The following BBS9 variants were observed in gnomAD, a reference collection of about 807,000 sequenced individuals.
BBS9 encodes protein PTHB1.
BBS9 carries 89 observed loss-of-function variants against 117.7 expected under a neutral mutation model. The ratio of observed to expected loss-of-function variants is 0.76; its 90% CI spans 0.64 to 0.90. The LOEUF is 0.90. BBS9 is among the 40% of genes least tolerant of loss of function. The pLI is 0.00. For synonymous variants in BBS9, 379 were observed against 370.9 expected (o/e 1.02, Z -0.25); for missense variants, 982 against 1,042.2 (o/e 0.94, Z 0.80).
At chr7:33,519,812 G>A (rs1030751357) in intron 20 of BBS9, among the ~76,000 whole-genome samples, 2 of 152,118 alleles carry the variant, frequency 1.3e-5, no homozygotes, top group Admixed American at 6.6e-5. Flanking sequence ...CTGGGCCACA[G>A]TGGTCAAGTG....
At chr7:33,410,181 G>T (rs1293871052) in intron 19 of BBS9, among the ~76,000 whole-genome samples, 2 of 152,118 alleles carry the variant, frequency 1.3e-5, no homozygotes, top group Non-Finnish European at 2.9e-5. Context: ...AAAGACCTCA[G>T]AGAAAAATGT....
At chr7:33,335,033 A>G (rs1270263002) in intron 9 of BBS9, among the ~76,000 whole-genome samples, 4 of 152,188 alleles carry the variant, frequency 2.6e-5, no homozygotes, top group Non-Finnish European at 5.9e-5. Context: ...CAATGGTAGT[A>G]TCTACTCCCA....
chr7:33,270,097 A>G (rs1245915738), intron 7 of BBS9, among the ~76,000 whole-genome samples: 1 of 152,062 alleles, frequency 6.6e-6, no homozygotes, highest in Non-Finnish European at 1.5e-5. Context: ...TTACTGACCA[A>G]TGCACTTGCT....
At chr7:33,563,821 C>T (rs1443084154) in intron 21 of BBS9, among the ~76,000 whole-genome samples, 4 of 152,224 alleles carry the variant, frequency 2.6e-5, no homozygotes, top group South Asian at 2.1e-4. Context: ...CTGCATTCGG[C>T]GCTAAAACAA....
intron 9 of BBS9, among the ~76,000 whole-genome samples, chr7:33,279,603 A>G (rs978379623): frequency 6.6e-6 from 1 of 152,188 alleles, no homozygotes; most frequent in Non-Finnish European, 1.5e-5. Context: ...CATTTTGCTC[A>G]GAGTCTAAGA....
Position 33,539,594 on chromosome 7 carries a change from A to G in BBS9, c.2521+5418A>G, listed in dbSNP as rs555959263. Among the ~76,000 whole-genome samples the G allele has an allele frequency of 2.1e-4, 32 of 152,364 alleles. No individual in the cohort carries two copies. In the South Asian group the frequency reaches 6.6e-3, roughly 32 times the overall value. ...TGGCCTTACAGGCACCTTTACAGAA[A>G]GGGTCCTTTTAAGAAAAAATATTCC... On this transcript the variant is annotated intron_variant, in intron 21 of 22. Transcript: ENST00000242067.
intron 21 of BBS9, among the ~76,000 whole-genome samples, chr7:33,561,948 T>C (rs917906254): frequency 6.6e-5 from 10 of 152,366 alleles, no homozygotes; most frequent in African/African-American, 2.2e-4. Flanking sequence ...CAATAGTCTT[T>C]TCTTTCTTGA....
intron 5 of BBS9, among the ~76,000 whole-genome samples, chr7:33,231,197 T>A (rs1212983151): frequency 6.6e-6 from 1 of 151,590 alleles, no homozygotes; most frequent in Non-Finnish European, 1.5e-5. Flanking sequence ...TGAGATGGGG[T>A]CTCACTATGT....
At chr7:33,389,687 TAAAAAAA>T (rs5883400) in intron 19 of BBS9, among the ~76,000 whole-genome samples, 3,613 of 91,914 alleles carry the variant, frequency 0.039, 184 homozygotes, top group East Asian at 0.3. Flanking sequence ...AGACTCCATC[TAAAAAAA>T]AAAAAAAAAA....
intron 5 of BBS9, among the ~76,000 whole-genome samples, chr7:33,214,103 G>A (rs1159358307): frequency 1.3e-5 from 2 of 152,144 alleles, no homozygotes; most frequent in African/African-American, 4.8e-5. Context: ...TGTGTACCTA[G>A]GATCCGAGAG....
intron 21 of BBS9, among the ~76,000 whole-genome samples, chr7:33,591,062 A>G (rs1001663943): frequency 2.6e-5 from 4 of 152,098 alleles, no homozygotes; most frequent in African/African-American, 9.6e-5. Context: ...CTGATTGGTC[A>G]TTTCCTTAGA....
chr7:33,444,408 A>G lies in BBS9; in HGVS notation c.2115+56264A>G, dbSNP rs538860774. Among the ~76,000 whole-genome samples the G allele has an allele frequency of 1.2e-4, 18 of 152,322 alleles. No homozygotes were observed. In the South Asian group the frequency reaches 3.5e-3, roughly 30 times the overall value. On this transcript the variant is annotated intron_variant, in intron 19 of 22. Transcript: ENST00000242067. ...TTATTTTAAATTTTTCTGTTTTCCAATGTGGTTAACTACTGTATTAAGCAC... is the reference window on the plus strand; with the variant it reads ...TTATTTTAAATTTTTCTGTTTTCCAGTGTGGTTAACTACTGTATTAAGCAC...
chr7:33,365,847 T>C (rs998475847), intron 16 of BBS9, among the ~76,000 whole-genome samples: 2 of 152,228 alleles, frequency 1.3e-5, no homozygotes, highest in African/African-American at 4.8e-5. Context: ...ACTCTGGCTC[T>C]GGGTTACAGG....
At chr7:33,206,029 A>T (rs1583619838) in intron 5 of BBS9, among the ~76,000 whole-genome samples, 1 of 152,314 alleles carries the variant, frequency 6.6e-6, no homozygotes, top group East Asian at 1.9e-4. Context: ...TGCAGCAGTG[A>T]TCATTTTAAT....
intron 21 of BBS9, among the ~76,000 whole-genome samples, chr7:33,615,602 AACTT>A (rs1865091321): frequency 6.6e-6 from 1 of 152,134 alleles, no homozygotes; most frequent in Non-Finnish European, 1.5e-5. Flanking sequence ...ACAGAGATGT[AACTT>A]ACACATAATG....
At chr7:33,327,526 C>G (rs917267114) in intron 9 of BBS9, among the ~76,000 whole-genome samples, 1 of 152,056 alleles carries the variant, frequency 6.6e-6, no homozygotes, top group African/African-American at 2.4e-5. Context: ...TAGCAAGACC[C>G]TATATCTAAC....
intron 20 of BBS9, among the ~76,000 whole-genome samples, chr7:33,507,757 G>A (rs1170020843): frequency 6.6e-6 from 1 of 152,210 alleles, no homozygotes. Context: ...GGAGCATGAG[G>A]AAGCGGGTCA....
chr7:33,476,194 A>G (rs1317770612), intron 19 of BBS9, among the ~76,000 whole-genome samples: 1 of 152,202 alleles, frequency 6.6e-6, no homozygotes, highest in African/African-American at 2.4e-5. Flanking sequence ...TACATAAGTG[A>G]AATATGACAA....
intron 19 of BBS9, among the ~76,000 whole-genome samples, chr7:33,485,472 G>T (rs1205552524): frequency 6.6e-6 from 1 of 151,836 alleles, no homozygotes; most frequent in Non-Finnish European, 1.5e-5. Context: ...ACCACGCCTG[G>T]CTAATTTTTT....
Sources: allele counts gnomAD v4.1 joint callset (sites outside exome capture counted in the v4.1 genomes callset), GRCh38; gene constraint gnomAD v4.1.1; transcripts MANE v1.5; gene names NCBI Gene and HGNC (gene_info 2026-07-23, HGNC 2026-07-21).